Variants in SV2B observed in about 807,000 individuals in gnomAD.
SV2B encodes the protein solute carrier family 22 member B2.
A neutral mutation model predicts 73.9 loss-of-function variants in SV2B; 41 were observed. The observed-to-expected ratio is 0.56, with a 90% CI of 0.43 to 0.72. The LOEUF is 0.72. Ranked by LOEUF, SV2B falls within the 30% of genes least tolerant of loss-of-function variation. SV2B has a pLI of 0.00. For synonymous variants in SV2B, 314 were observed against 314.2 expected, an observed-to-expected ratio of 1.00 and a Z score of 0.01; for missense variants, 764 against 857.8, an observed-to-expected ratio of 0.89 and a Z score of 1.37.
In SV2B at chr15:91,234,130, C is replaced by A. The variant is rs1332500716; in HGVS notation, c.451+7416C>A. Among the ~76,000 whole-genome samples the A allele has an allele frequency of 6.6e-6, 1 of 152,052 alleles. No homozygotes were observed. Among genetic ancestry groups the A allele is most frequent in the Non-Finnish European group, 1.5e-5 (1 of 68,018 alleles). ...AAATGTGGCCCATAGTAAATGAAGT[C>A]GAAATGCCAGACCTATGTTGGTTTA... On this transcript the variant is annotated intron_variant, in intron 2 of 12. Coordinates refer to ENST00000394232, the MANE Select transcript of SV2B (RefSeq NM_001323032.3). This position sits in a 1 kb window ranked among gnomAD's most constrained non-coding sequence, Gnocchi z 5.6.
At chr15:91,189,484 A>G (rs1458973496) in intron 1 of SV2B, among the ~76,000 whole-genome samples, 1 of 152,164 alleles carries the variant, frequency 6.6e-6, no homozygotes, top group Admixed American at 6.5e-5. Context: ...TTATATATGT[A>G]TATATGTAGT....
Position 91,236,266 on chromosome 15 carries a change from A to G in SV2B, c.451+9552A>G, listed in dbSNP as rs2046776717. Among the ~76,000 whole-genome samples, 1 of 152,206 alleles carries G rather than the reference A, an allele frequency of 6.6e-6. No homozygotes were observed. The highest frequency in any genetic ancestry group is 1.5e-5 in the Non-Finnish European group (1 of 68,042). ...AAATGAAAGATGTTTAGTAACTACC[A>G]ATTTGCTAATTATCAGAATAAACAT... On this transcript the variant is annotated intron_variant, in intron 2 of 12. Transcript: ENST00000394232. This position sits in a 1 kb window ranked among gnomAD's most constrained non-coding sequence, Gnocchi z 4.1.
At chr15:91,259,903 C>T (rs1766214330) in intron 5 of SV2B, among the ~76,000 whole-genome samples, 1 of 152,184 alleles carries the variant, frequency 6.6e-6, no homozygotes, top group African/African-American at 2.4e-5. Context: ...AATAAAGTCA[C>T]TCTCTGTGGT....
Position 91,129,232 on chromosome 15 carries a change from A to G in SV2B, c.-392+28869A>G, listed in dbSNP as rs2042573601. The stretch of plus-strand genomic sequence containing the variant: ...ACACATTACAGAAATGAGTAGGTCA[A>G]AGATATCCAACCTTAAGAAAGTTAG... On this transcript the variant is annotated intron_variant, in intron 1 of 12. Transcript: ENST00000394232. The surrounding 1 kb of genome is among the most constrained non-coding windows in gnomAD (Gnocchi z 5.1). 6.6e-6 allele frequency among the ~76,000 whole-genome samples: 1 copy of G among 152,250 alleles called. No individual in the cohort carries two copies.
rs2049307300 is a variant in SV2B, at chr15:91,297,908, C to T, written c.*5356C>T. 1 of 152,272 alleles carries T rather than the reference C, an allele frequency of 6.6e-6. No individual in the cohort carries two copies. The highest frequency in any genetic ancestry group is 1.5e-5 in the Non-Finnish European group (1 of 68,108). 9.4% of individuals were successfully genotyped at this position (152,272 alleles called of 1,614,324 possible). A position where few individuals can be genotyped will look rare whatever the true frequency, so the allele number is the denominator to read the frequency against. ...AAGCTCAGCAGAGGTTGAACCCTTT[C>T]CCCTGGGGGTTGGTGATCTTTGTTT... On this transcript the variant is annotated 3_prime_UTR_variant, in exon 13 of 13. Coordinates refer to ENST00000394232, the MANE Select transcript of SV2B (RefSeq NM_001323032.3). This position sits in a 1 kb window ranked among gnomAD's most constrained non-coding sequence, Gnocchi z 5.1.
intron 1 of SV2B, among the ~76,000 whole-genome samples, chr15:91,190,244 T>G (rs1353710431): frequency 6.6e-6 from 1 of 152,192 alleles, no homozygotes; most frequent in Admixed American, 6.5e-5. Context: ...TCTATCTACC[T>G]TGGATTATTA....
rs201142222 is a variant in SV2B, at chr15:91,204,558, T to TC, written c.-391-21315_-391-21314insC. 2.4e-3 allele frequency among the ~76,000 whole-genome samples: 328 copies of TC among 138,832 alleles called. 1 individual carries two copies. The highest frequency in any genetic ancestry group is 9.0e-3 in the African/African-American group (307 of 34,156). 91.1% of individuals were successfully genotyped at this position (138,832 alleles called of 152,430 possible). On this transcript the variant is annotated intron_variant, in intron 1 of 12. Coordinates refer to ENST00000394232, the MANE Select transcript of SV2B (RefSeq NM_001323032.3). ...TTATTTCTTTTCTTCTTCTTCTTCT[T>TC]TTTTTTTTTTTTTTTTGAGACAGAA...
Position 91,281,672 on chromosome 15 carries a change from T to G in SV2B, c.1374-56T>G. 6.6e-7 allele frequency: 1 copy of G among 1,513,844 alleles called. No homozygotes were observed. The highest frequency in any genetic ancestry group is 8.9e-7 in the Non-Finnish European group (1 of 1,123,776). 93.8% of individuals were successfully genotyped at this position (1,513,844 alleles called of 1,614,324 possible). On this transcript the variant is annotated intron_variant, in intron 9 of 12. Coordinates refer to ENST00000394232, the MANE Select transcript of SV2B (RefSeq NM_001323032.3). The surrounding 1 kb of genome is among the most constrained non-coding windows in gnomAD (Gnocchi z 4.7). The stretch of plus-strand genomic sequence containing the variant: ...TGCCTTGCTGTGTTTTCCATTTTGG[T>G]CTTAAGTCTCTTTTTTTCTCAGATG...
intron 1 of SV2B, among the ~76,000 whole-genome samples, chr15:91,145,008 CA>C (rs888600821): frequency 1.3e-4 from 19 of 151,312 alleles, no homozygotes; most frequent in Middle Eastern, 3.5e-3. Flanking sequence ...ATTTTAAGTT[CA>C]GGGGTACATG....
At position 91,242,222 on chromosome 15, in the gene SV2B, C is replaced by G. The variant is rs2141567931; in HGVS notation, c.452-9597C>G. On this transcript the variant is annotated intron_variant, in intron 2 of 12. Coordinates refer to ENST00000394232, the MANE Select transcript of SV2B (RefSeq NM_001323032.3). The surrounding 1 kb of genome is among the most constrained non-coding windows in gnomAD (Gnocchi z 4.9). ...CCTTCTTGTTCTCCATCACTGGTCT[C>G]TCTTCATATTCCTGGCCTTTAAATG... 1.3e-5 allele frequency among the ~76,000 whole-genome samples: 2 copies of G among 152,340 alleles called. No individual in the cohort carries two copies.
chr15:91,249,249 A>G (rs183014823), intron 2 of SV2B, among the ~76,000 whole-genome samples: 4 of 152,204 alleles, frequency 2.6e-5, no homozygotes, highest in Non-Finnish European at 5.9e-5. Context: ...TCAGTCACCA[A>G]ATGGAAATCA....
chr15:91,117,489 A>G (rs932106680), intron 1 of SV2B, among the ~76,000 whole-genome samples: 4 of 152,220 alleles, frequency 2.6e-5, no homozygotes, highest in African/African-American at 9.7e-5. Flanking sequence ...TGGCCAGTCA[A>G]CTGGGATTGG....
intron 4 of SV2B, among the ~76,000 whole-genome samples, chr15:91,254,461 G>A (rs969709763): frequency 1.3e-5 from 2 of 151,980 alleles, no homozygotes; most frequent in African/African-American, 2.4e-5. Flanking sequence ...GGTCTCCAAC[G>A]CCTGACTTCA....
At position 91,226,582 on chromosome 15, in the gene SV2B, T is replaced by C; in HGVS notation, c.319T>C (p.Phe107Leu). Residue 107 changes from phenylalanine to leucine, a missense_variant, in exon 2 of 13, where the codon TTC (phenylalanine) becomes CTC (leucine). By Grantham distance (22) the Phe-to-Leu change is conservative (BLOSUM62 0). Coordinates refer to ENST00000394232, the MANE Select transcript of SV2B (RefSeq NM_001323032.3). Reference protein sequence around the residue: ...TIMDECGHGRFQWILFFVLGL... With the variant: ...TIMDECGHGRLQWILFFVLGL... Reference sequence around the variant, plus strand: ...CATGGATGAGTGTGGCCATGGCCGCTTCCAGTGGATCCTCTTTTTCGTCTT... The same window carrying C: ...CATGGATGAGTGTGGCCATGGCCGCCTCCAGTGGATCCTCTTTTTCGTCTT... The C allele has an allele frequency of 6.2e-7, 1 of 1,614,182 alleles. No homozygotes were observed. The highest frequency in any genetic ancestry group is 8.5e-7 in the Non-Finnish European group (1 of 1,180,028).
chr15:91,215,703 A>G (rs1412777842), intron 1 of SV2B, among the ~76,000 whole-genome samples: 13 of 152,274 alleles, frequency 8.5e-5, no homozygotes, highest in Non-Finnish European at 1.8e-4. Context: ...AAGTCATTCA[A>G]AAACATGTTT....
rs2048759964 is a variant in SV2B at position 91,283,745 on chromosome 15, C to T, written c.1508-276C>T. Among the ~76,000 whole-genome samples, 1 of 152,144 alleles carries T rather than the reference C, an allele frequency of 6.6e-6. No individual in the cohort carries two copies. The highest frequency in any genetic ancestry group is 2.1e-4 in the South Asian group (1 of 4,828). ...CTGGGATTACAGATGTGGGCCACTA[C>T]ACCTGGCTGAGAGGATGCATTTTGA... On this transcript the variant is annotated intron_variant, in intron 10 of 12. Coordinates refer to ENST00000394232, the MANE Select transcript of SV2B (RefSeq NM_001323032.3). The surrounding 1 kb of genome is among the most constrained non-coding windows in gnomAD (Gnocchi z 4.3).
In SV2B at chr15:91,258,442, C is replaced by T. The variant is rs1481472446; in HGVS notation, c.806C>T (p.Thr269Ile). The T allele has an allele frequency of 6.2e-7, 1 of 1,613,914 alleles. No individual in the cohort carries two copies. Among genetic ancestry groups the T allele is most frequent in the Admixed American group, 1.7e-5 (1 of 59,998 alleles). ...GCAGGCTGGGGCTTCAGCATGGGGA[C>T]CAATTACCACTTCCATAGCTGGAGA... ...PHYGWGFSMGTNYHFHSWRVF... is the reference protein window; with the variant it reads ...PHYGWGFSMGINYHFHSWRVF... The change falls in exon 5 of 13, where the codon ACC becomes ATC. Residue 269 changes from threonine to isoleucine, a missense_variant. Physicochemically the swap from Thr to Ile is moderately conservative, Grantham distance 89. Coordinates refer to ENST00000394232, the MANE Select transcript of SV2B (RefSeq NM_001323032.3). This position sits in a 1 kb window ranked among gnomAD's most constrained non-coding sequence, Gnocchi z 4.7.
At position 91,281,584 on chromosome 15, in the gene SV2B, T is replaced by G; in HGVS notation, c.1374-144T>G. 1 of 890,614 alleles carries G rather than the reference T, an allele frequency of 1.1e-6. No individual in the cohort carries two copies. Among genetic ancestry groups the G allele is most frequent in the Non-Finnish European group, 1.6e-6 (1 of 609,300 alleles). The allele number at this position is 890,614 out of a possible 1,614,324, so 55.2% of individuals were successfully genotyped here. ...CACTAATAAACAAACAGCTAAGAAG[T>G]GGGGAAGTGGTCTGGGTTGAAAATA... On this transcript the variant is annotated intron_variant, in intron 9 of 12. Transcript: ENST00000394232. This position sits in a 1 kb window ranked among gnomAD's most constrained non-coding sequence, Gnocchi z 4.7.
chr15:91,168,496 A>G (rs1418503644), intron 1 of SV2B, among the ~76,000 whole-genome samples: 1 of 152,006 alleles, frequency 6.6e-6, no homozygotes, highest in Non-Finnish European at 1.5e-5. Context: ...CCAGCAGAGG[A>G]AAAAGGGAGA....
Sources: allele counts gnomAD v4.1 joint callset (sites outside exome capture counted in the v4.1 genomes callset), GRCh38; gene constraint gnomAD v4.1.1; non-coding constraint Gnocchi (gnomAD v3.1); transcripts MANE v1.5; gene names NCBI Gene and HGNC (gene_info 2026-07-23, HGNC 2026-07-21).